The following ST3GAL1 variants were observed in gnomAD, a reference collection of about 807,000 sequenced individuals.
ST3GAL1 encodes CMP-N-acetylneuraminate-beta-galactosamide-alpha-2,3-sialyltransferase 1.
A neutral mutation model predicts 34.1 loss-of-function variants in ST3GAL1; 16 were observed. The observed-to-expected ratio is 0.47, with a 90% CI of 0.32 to 0.71. The LOEUF (loss-of-function observed/expected upper bound fraction) is 0.71, where lower values mean the gene tolerates loss of function less well. ST3GAL1 is among the 30% of genes least tolerant of loss of function. ST3GAL1 has a pLI of 0.04. For synonymous variants in ST3GAL1, 191 were observed against 184.7 expected, an observed-to-expected ratio of 1.03 and a Z score of -0.28; for missense variants, 353 against 447.4, an observed-to-expected ratio of 0.79 and a Z score of 1.90.
intron 3 of ST3GAL1, among the ~76,000 whole-genome samples, chr8:133,481,609 C>T (rs1816395067): frequency 6.6e-6 from 1 of 152,138 alleles, no homozygotes; most frequent in Non-Finnish European, 1.5e-5. Flanking sequence ...GATTCTCCTG[C>T]CTCAGCCTCC....
intron 2 of ST3GAL1, among the ~76,000 whole-genome samples, chr8:133,506,769 G>T (rs533060769): frequency 6.6e-6 from 1 of 151,046 alleles, no homozygotes; most frequent in African/African-American, 2.4e-5. Flanking sequence ...TGGGGGACAA[G>T]AGTGAGACTT....
At chr8:133,568,123 C>T (rs1484015144) in intron 1 of ST3GAL1, among the ~76,000 whole-genome samples, 2 of 152,060 alleles carry the variant, frequency 1.3e-5, no homozygotes, top group Non-Finnish European at 2.9e-5. Flanking sequence ...GGTTTCACCA[C>T]ATTGGCCAGC....
At chr8:133,511,370 T>C (rs563955309) in intron 2 of ST3GAL1, among the ~76,000 whole-genome samples, 1 of 152,382 alleles carries the variant, frequency 6.6e-6, no homozygotes, top group South Asian at 2.1e-4. Flanking sequence ...GTTGTATTTA[T>C]TGAACACCTA....
chr8:133,464,923 C>G lies in ST3GAL1; in HGVS notation c.538G>C (p.Asp180His). The change falls in exon 7 of 10, where the codon GAT becomes CAT. Residue 180 changes from aspartate (D) to histidine (H), a missense_variant. Coordinates refer to ENST00000522652, the MANE Select transcript of ST3GAL1 (RefSeq NM_173344.3). ...NKAPTAGFEA[D>H]VGTKTTHHLV... ...TGGTGGGTGGTCTTGGTCCCAACAT[C>G]AGCTTCAAACCCTGCCGTGGGCGCC... 6.2e-7 allele frequency: 1 copy of G among 1,613,932 alleles called. No homozygotes were observed. Among genetic ancestry groups the G allele is most frequent in the Non-Finnish European group, 8.5e-7 (1 of 1,179,878 alleles).
intron 9 of ST3GAL1, among the ~76,000 whole-genome samples, chr8:133,460,385 C>A (rs531795290): frequency 6.6e-6 from 1 of 152,306 alleles, no homozygotes; most frequent in African/African-American, 2.4e-5. Context: ...GAAGTCACTT[C>A]TTTGAGCCTC....
chr8:133,504,232 C>T (rs1044582987), intron 2 of ST3GAL1, among the ~76,000 whole-genome samples: 4 of 152,224 alleles, frequency 2.6e-5, no homozygotes, highest in Non-Finnish European at 4.4e-5. Context: ...GCCAGCCAGC[C>T]TCAGAACTTG....
At chr8:133,569,744 C>T (rs1819509292) in intron 1 of ST3GAL1, among the ~76,000 whole-genome samples, 1 of 152,200 alleles carries the variant, frequency 6.6e-6, no homozygotes, top group Admixed American at 6.5e-5. Context: ...GGCGCCCCTT[C>T]CCCACCGCAG....
chr8:133,556,223 C>A lies in ST3GAL1; in HGVS notation c.-581-10297G>T, dbSNP rs759777305. Among the ~76,000 whole-genome samples, 2 of 152,148 alleles carry A rather than the reference C, an allele frequency of 1.3e-5. No individual in the cohort carries two copies. The highest frequency in any genetic ancestry group is 2.4e-5 in the African/African-American group (1 of 41,438). Reference sequence around the variant, plus strand: ...TTTTTTCTTTTTGAATCTCCACTCTCACCCAGGAAGATGAGTTGGTGTCAC... The same window carrying A: ...TTTTTTCTTTTTGAATCTCCACTCTAACCCAGGAAGATGAGTTGGTGTCAC... On this transcript the variant is annotated intron_variant, in intron 1 of 9. Coordinates refer to ENST00000522652, the MANE Select transcript of ST3GAL1 (RefSeq NM_173344.3). The surrounding 1 kb of genome is among the most constrained non-coding windows in gnomAD (Gnocchi z 8.9).
At chr8:133,489,478 G>T (rs1191003736) in intron 3 of ST3GAL1, 1 of 152,534 alleles carries the variant, frequency 6.6e-6, no homozygotes, top group African/African-American at 2.4e-5. Context: ...CTCCACCTTG[G>T]GTAGCTGCTC....
chr8:133,539,935 AT>A (rs1818418135), intron 2 of ST3GAL1, among the ~76,000 whole-genome samples: 1 of 152,174 alleles, frequency 6.6e-6, no homozygotes, highest in South Asian at 2.1e-4. Context: ...CAAATAAGTT[AT>A]TAACATCTTG....
intron 2 of ST3GAL1, among the ~76,000 whole-genome samples, chr8:133,533,856 G>T (rs1818226578): frequency 6.6e-6 from 1 of 152,212 alleles, no homozygotes; most frequent in Non-Finnish European, 1.5e-5. Flanking sequence ...GCAACACGGT[G>T]GTGTTTGTGA....
intron 3 of ST3GAL1, among the ~76,000 whole-genome samples, chr8:133,483,904 C>T (rs1254729994): frequency 6.6e-6 from 1 of 152,180 alleles, no homozygotes; most frequent in Non-Finnish European, 1.5e-5. Flanking sequence ...GCTCTGGTAG[C>T]TCCAATTTTC....
chr8:133,540,728 CATAT>C (rs57891081), intron 2 of ST3GAL1, among the ~76,000 whole-genome samples: 17,495 of 86,648 alleles, frequency 0.2, 2,137 homozygotes, highest in East Asian at 0.4. Flanking sequence ...TATATATAGA[CATAT>C]ATATATATAT....
intron 2 of ST3GAL1, among the ~76,000 whole-genome samples, chr8:133,537,215 C>T (rs983940822): frequency 1.3e-5 from 2 of 152,116 alleles, no homozygotes; most frequent in Non-Finnish European, 2.9e-5. Context: ...TAGAGAGATG[C>T]GTGGGGGGAG....
chr8:133,504,754 G>C (rs992779753), intron 2 of ST3GAL1, among the ~76,000 whole-genome samples: 1 of 152,188 alleles, frequency 6.6e-6, no homozygotes, highest in African/African-American at 2.4e-5. Context: ...AGGCTTCGGA[G>C]AGGAGGTCAG....
chr8:133,476,989 C>A (rs1313289681), intron 3 of ST3GAL1, among the ~76,000 whole-genome samples: 1 of 152,228 alleles, frequency 6.6e-6, no homozygotes, highest in African/African-American at 2.4e-5. Flanking sequence ...ATTTCAGCAA[C>A]AAGCACAACA....
At chr8:133,503,847 T>C (rs1181656357) in intron 2 of ST3GAL1, among the ~76,000 whole-genome samples, 2 of 152,172 alleles carry the variant, frequency 1.3e-5, no homozygotes, top group African/African-American at 2.4e-5. Flanking sequence ...CTGTGAATTA[T>C]GTTTACGATG....
intron 2 of ST3GAL1, among the ~76,000 whole-genome samples, chr8:133,517,266 A>AGAGGT (rs1817673716): frequency 6.6e-6 from 1 of 152,234 alleles, no homozygotes; most frequent in Admixed American, 6.5e-5. Flanking sequence ...TCTAAGCTTT[A>AGAGGT]GTCCCTGCCT....
At chr8:133,555,296 T>C (rs954765566) in intron 1 of ST3GAL1, among the ~76,000 whole-genome samples, 3 of 152,116 alleles carry the variant, frequency 2.0e-5, no homozygotes, top group African/African-American at 7.2e-5. Flanking sequence ...TGTGGATTTC[T>C]GTTGCTCCCC....
Sources: allele counts gnomAD v4.1 joint callset (sites outside exome capture counted in the v4.1 genomes callset), GRCh38; gene constraint gnomAD v4.1.1; non-coding constraint Gnocchi (gnomAD v3.1); transcripts MANE v1.5; gene names NCBI Gene and HGNC (gene_info 2026-07-23, HGNC 2026-07-21).